AGBL1: variants seen among roughly 807,000 people sequenced by gnomAD.
AGBL1 encodes AGBL carboxypeptidase 1, also known as cytosolic carboxypeptidase 4.
AGBL1 carries 130 observed loss-of-function variants against 118.9 expected under a neutral mutation model. The ratio of observed to expected loss-of-function variants is 1.09; its 90% CI spans 0.95 to 1.26. The LOEUF (loss-of-function observed/expected upper bound fraction) is 1.26, where lower values mean the gene tolerates loss of function less well. Among genes scored for constraint, AGBL1 ranks in the 50% most tolerant of loss-of-function variants. The pLI, the probability that AGBL1 is intolerant of heterozygous loss-of-function variation, is 0.00. For missense variants in AGBL1, 1,584 were observed against 1,298.1 expected, an observed-to-expected ratio of 1.22 and a Z score of -3.38; for synonymous variants, 555 against 478.9, an observed-to-expected ratio of 1.16 and a Z score of -2.08.
chr15:86,959,997 T>C (rs1213256503), intron 23 of AGBL1, among the ~76,000 whole-genome samples: 1 of 152,130 alleles, frequency 6.6e-6, no homozygotes, highest in African/African-American at 2.4e-5. Flanking sequence ...ACCAACTCTT[T>C]TAAGGTTTCG....
chr15:86,221,467 T>C (rs1427284830), intron 5 of AGBL1, among the ~76,000 whole-genome samples: 1 of 152,232 alleles, frequency 6.6e-6, no homozygotes, highest in Non-Finnish European at 1.5e-5. Flanking sequence ...AGTAGTTGCC[T>C]CGGCTCTGAT....
chr15:86,985,177 T>C (rs2117080), intron 23 of AGBL1, among the ~76,000 whole-genome samples: 123,953 of 152,090 alleles, frequency 0.81, 51,120 homozygotes, highest in South Asian at 0.94. Flanking sequence ...TTTTTGCTTA[T>C]TGTGAATAAA....
At chr15:86,132,468 T>A (rs1304311060) in intron 1 of AGBL1, among the ~76,000 whole-genome samples, 1 of 152,220 alleles carries the variant, frequency 6.6e-6, no homozygotes, top group Non-Finnish European at 1.5e-5. Flanking sequence ...ATTTACTTGC[T>A]ATGTTTAGAA....
chr15:86,785,800 G>T (rs1263869564), intron 22 of AGBL1, among the ~76,000 whole-genome samples: 1 of 152,166 alleles, frequency 6.6e-6, no homozygotes, highest in Non-Finnish European at 1.5e-5. Flanking sequence ...AACCCCAAGA[G>T]AACTGAGTTA....
intron 21 of AGBL1, among the ~76,000 whole-genome samples, chr15:86,606,303 G>A (rs1329330008): frequency 6.6e-6 from 1 of 152,042 alleles, no homozygotes; most frequent in Non-Finnish European, 1.5e-5. Flanking sequence ...AATCTCCTTA[G>A]AAACAGAGCT....
intron 21 of AGBL1, among the ~76,000 whole-genome samples, chr15:86,577,984 A>G (rs774127300): frequency 1.3e-5 from 2 of 152,216 alleles, no homozygotes; most frequent in Non-Finnish European, 2.9e-5. Context: ...GAACCCCCAC[A>G]CAGAGTCCCT....
intron 22 of AGBL1, among the ~76,000 whole-genome samples, chr15:86,786,420 C>A (rs1000476456): frequency 6.6e-6 from 1 of 151,898 alleles, no homozygotes; most frequent in African/African-American, 2.4e-5. Flanking sequence ...TCAATACGTA[C>A]AAAGGATATT....
At chr15:86,743,818 C>A (rs1240903156) in intron 22 of AGBL1, among the ~76,000 whole-genome samples, 2 of 151,986 alleles carry the variant, frequency 1.3e-5, no homozygotes, top group African/African-American at 2.4e-5. Context: ...CCAGTTCTAG[C>A]TTTAACTACC....
chr15:86,413,440 G>A (rs2081648769), intron 18 of AGBL1, among the ~76,000 whole-genome samples: 1 of 152,082 alleles, frequency 6.6e-6, no homozygotes, highest in South Asian at 2.1e-4. Flanking sequence ...AGTTCTTTGT[G>A]AAATCTGCAT....
chr15:86,646,900 CACTT>C (rs1395786106), intron 21 of AGBL1, among the ~76,000 whole-genome samples: 1 of 152,110 alleles, frequency 6.6e-6, no homozygotes, highest in African/African-American at 2.4e-5. Context: ...TAAAAATCAA[CACTT>C]AATTATCCAG....
chr15:86,299,578 T>A (rs182344502), intron 17 of AGBL1, among the ~76,000 whole-genome samples: 1 of 152,214 alleles, frequency 6.6e-6, no homozygotes, highest in African/African-American at 2.4e-5. Context: ...CATAAGCTGT[T>A]TGGGAATAGG....
At chr15:86,091,794 T>C (rs117920316) in intron 1 of AGBL1, among the ~76,000 whole-genome samples, 1,672 of 152,266 alleles carry the variant, frequency 0.011, 10 homozygotes, top group East Asian at 0.024. Flanking sequence ...TTTTTTCCAA[T>C]TATATATCTC....
chr15:86,760,357 T>G (rs990987616), intron 22 of AGBL1, among the ~76,000 whole-genome samples: 5 of 152,018 alleles, frequency 3.3e-5, no homozygotes, highest in Non-Finnish European at 4.4e-5. Context: ...TCATCACTTG[T>G]AGGAAATCAT....
chr15:86,783,719 T>A (rs1229157277), intron 22 of AGBL1, among the ~76,000 whole-genome samples: 1 of 152,204 alleles, frequency 6.6e-6, no homozygotes, highest in Non-Finnish European at 1.5e-5. Flanking sequence ...AGCCTCCACC[T>A]CCTGGGTTCA....
At chr15:86,891,015 C>A (rs556249081) in intron 22 of AGBL1, among the ~76,000 whole-genome samples, 1 of 152,166 alleles carries the variant, frequency 6.6e-6, no homozygotes, top group Admixed American at 6.5e-5. Context: ...TATATTAATT[C>A]TTCCTATCCA....
chr15:86,251,735 G>A (rs1010928040), intron 7 of AGBL1, among the ~76,000 whole-genome samples: 1 of 152,022 alleles, frequency 6.6e-6, no homozygotes, highest in Non-Finnish European at 1.5e-5. Flanking sequence ...GTGCAGCAAG[G>A]GTGCTGTGTA....
intron 22 of AGBL1, among the ~76,000 whole-genome samples, chr15:86,735,237 G>A (rs1333900415): frequency 6.6e-6 from 1 of 151,884 alleles, no homozygotes; most frequent in South Asian, 2.1e-4. Flanking sequence ...ACCCGACACC[G>A]TGCCCAGCTA....
chr15:86,618,058 T>C (rs1386797882), intron 21 of AGBL1, among the ~76,000 whole-genome samples: 6 of 152,162 alleles, frequency 3.9e-5, no homozygotes, highest in Non-Finnish European at 7.3e-5. Flanking sequence ...ACATTTCTCA[T>C]GCATATCTTG....
At chr15:86,432,547 G>A (rs144561109) in intron 18 of AGBL1, among the ~76,000 whole-genome samples, 9 of 152,258 alleles carry the variant, frequency 5.9e-5, no homozygotes, top group Non-Finnish European at 1.2e-4. Flanking sequence ...ATATCAATAC[G>A]ACTTATCACT....
Sources: allele counts gnomAD v4.1 joint callset (sites outside exome capture counted in the v4.1 genomes callset), GRCh38; gene constraint gnomAD v4.1.1; transcripts MANE v1.5; gene names NCBI Gene and HGNC (gene_info 2026-07-23, HGNC 2026-07-21).